The following PRPSAP2 variants were observed in gnomAD, a reference collection of about 807,000 sequenced individuals.
The protein encoded by PRPSAP2 is phosphoribosyl pyrophosphate synthetase associated protein 2.
PRPSAP2 carries 24 observed loss-of-function variants against 40.6 expected under a neutral mutation model. The observed-to-expected ratio is 0.59, with a 90% CI of 0.43 to 0.83. PRPSAP2 has a LOEUF of 0.83. PRPSAP2 is among the 40% of genes least tolerant of loss of function. PRPSAP2 has a pLI of 0.00. For synonymous variants in PRPSAP2, 149 were observed against 164.7 expected (o/e 0.90, Z 0.73); for missense variants, 292 against 465.6 (o/e 0.63, Z 3.43).
At chr17:18,901,472 C>A (rs950496537) in intron 8 of PRPSAP2, among the ~76,000 whole-genome samples, 1 of 151,492 alleles carries the variant, frequency 6.6e-6, no homozygotes, top group African/African-American at 2.4e-5. Flanking sequence ...CTCCGCCTCC[C>A]GGGTTCATGC....
intron 7 of PRPSAP2, among the ~76,000 whole-genome samples, chr17:18,882,945 C>G (rs2038869273): frequency 6.6e-6 from 1 of 152,130 alleles, no homozygotes; most frequent in African/African-American, 2.4e-5. Context: ...GTAATTTACT[C>G]TCATTACTAG....
At chr17:18,921,994 C>T (rs1189901211) in intron 9 of PRPSAP2, among the ~76,000 whole-genome samples, 3 of 152,176 alleles carry the variant, frequency 2.0e-5, no homozygotes, top group Admixed American at 2.0e-4. Context: ...GCCCCCATCC[C>T]CCAGCCCCTG....
intron 8 of PRPSAP2, among the ~76,000 whole-genome samples, chr17:18,903,593 G>T (rs540068385): frequency 6.6e-6 from 1 of 152,212 alleles, no homozygotes; most frequent in South Asian, 2.1e-4. Flanking sequence ...AATTAGCCGG[G>T]TGTGGTGGCG....
At chr17:18,908,164 CA>C (rs138579708) in intron 8 of PRPSAP2, 13 of 585,150 alleles carry the variant, frequency 2.2e-5, no homozygotes, top group Admixed American at 9.0e-5. Context: ...ATCTCAACAA[CA>C]AAAAAAAGCC....
In PRPSAP2 at chr17:18,912,452, C is replaced by T. The variant is rs765897561; in HGVS notation, c.733+1201C>T. 1.8e-4 allele frequency among the ~76,000 whole-genome samples: 28 copies of T among 152,194 alleles called. 1 individual carries two copies. The highest frequency in any genetic ancestry group is 1.9e-4 in the Non-Finnish European group (13 of 68,014). ...TCAGACCATAGCATTTTGCCCCGGC[C>T]CCTCAAAATTCATGTTCATCTTACG... On this transcript the variant is annotated intron_variant, in intron 9 of 11. Coordinates refer to ENST00000268835, the MANE Select transcript of PRPSAP2 (RefSeq NM_002767.4).
intron 9 of PRPSAP2, among the ~76,000 whole-genome samples, chr17:18,917,224 C>T (rs2041370799): frequency 6.6e-6 from 1 of 151,754 alleles, no homozygotes; most frequent in Non-Finnish European, 1.5e-5. Flanking sequence ...TGGCAAAAGA[C>T]AGATGAGGAA....
At chr17:18,929,042 CTG>C (rs916890298) in intron 11 of PRPSAP2, 85 bp downstream of exon 11, 15 of 1,520,102 alleles carry the variant, frequency 9.9e-6, no homozygotes, top group Admixed American at 4.1e-5. Flanking sequence ...CAGGACAAGA[CTG>C]AGATCTTTTG....
intron 8 of PRPSAP2, chr17:18,908,909 C>T: frequency 2.3e-6 from 1 of 442,638 alleles, no homozygotes; most frequent in South Asian, 2.6e-5. Context: ...CTTTCCTTTT[C>T]AAATTTTACC....
intron 10 of PRPSAP2, among the ~76,000 whole-genome samples, chr17:18,924,415 C>T (rs1878483230): frequency 6.6e-6 from 1 of 152,108 alleles, no homozygotes; most frequent in Non-Finnish European, 1.5e-5. Flanking sequence ...TAAATTTGTG[C>T]CTTGTGCTAA....
At chr17:18,873,315 T>C (rs906246184) in intron 5 of PRPSAP2, among the ~76,000 whole-genome samples, 11 of 151,378 alleles carry the variant, frequency 7.3e-5, no homozygotes, top group Non-Finnish European at 1.2e-4. Flanking sequence ...GTTCAAGCAA[T>C]TCTGCCTCAG....
chr17:18,912,652 T>C (rs973921305), intron 9 of PRPSAP2, among the ~76,000 whole-genome samples: 2 of 152,178 alleles, frequency 1.3e-5, no homozygotes, highest in African/African-American at 4.8e-5. Context: ...CACGTTTCTC[T>C]CCGGCTGTGA....
At chr17:18,867,135 G>A (rs2037489596) in intron 3 of PRPSAP2, 147 bp from the exon 4 acceptor site, 6 of 837,294 alleles carry the variant, frequency 7.2e-6, no homozygotes, top group Middle Eastern at 3.4e-4. Context: ...ATGGATTGAT[G>A]TAACAATTTA....
chr17:18,900,375 C>G (rs954960786), intron 8 of PRPSAP2, among the ~76,000 whole-genome samples: 1 of 152,098 alleles, frequency 6.6e-6, no homozygotes, highest in Non-Finnish European at 1.5e-5. Context: ...TTTGTTTAGA[C>G]TTCTTGTTTT....
At position 18,865,864 on chromosome 17, in the gene PRPSAP2, A is replaced by G; in HGVS notation, c.31A>G (p.Thr11Ala). The G allele has an allele frequency of 6.6e-7, 1 of 1,522,862 alleles. No homozygotes were observed. The highest frequency in any genetic ancestry group is 1.3e-5 in the South Asian group (1 of 75,198). The allele number at this position is 1,522,862 out of a possible 1,614,324, so 94.3% of individuals were successfully genotyped here. A position where few individuals can be genotyped will look rare whatever the true frequency, so the allele number is the denominator to read the frequency against. Residue 11 changes from threonine to alanine, a missense_variant, in exon 3 of 12, where the codon ACC becomes GCC. Physicochemically the swap from Thr to Ala is moderately conservative, Grantham distance 58. This residue lies in a region of PRPSAP2 where 51 missense variants were observed against 40.0 expected (regional missense o/e 1.28). Coordinates refer to ENST00000268835, the MANE Select transcript of PRPSAP2 (RefSeq NM_002767.4). MFCVTPPELETKMNITKGGLV... is the reference protein window; with the variant it reads MFCVTPPELEAKMNITKGGLV... ...TTGTGTGACGCCACCTGAATTAGAA[A>G]CCAAGATGAACATAACCAAAGGTGG... is the stretch of plus-strand genomic sequence containing the variant.
chr17:18,924,901 C>T (rs2041890873), intron 10 of PRPSAP2, among the ~76,000 whole-genome samples: 1 of 152,152 alleles, frequency 6.6e-6, no homozygotes, highest in Non-Finnish European at 1.5e-5. Context: ...AGGCAGATCA[C>T]CTGAGGTCAG....
chr17:18,882,665 A>G lies in PRPSAP2; in HGVS notation c.510A>G (p.Leu170=). ...ATTTAAGAGCATCTCCCTTCTTATT[A>G]CAGTATATTCAAGAAGAGGTGAGCT... ...VDNLRASPFL[L]QYIQEEIPDY... is the part of the protein sequence containing the mutation. The change falls in exon 7 of 12, where the codon TTA becomes TTG. Residue 170 remains leucine, a synonymous_variant. Coordinates refer to ENST00000268835, the MANE Select transcript of PRPSAP2 (RefSeq NM_002767.4). 2 of 1,586,236 alleles carry G rather than the reference A, an allele frequency of 1.3e-6. No homozygotes were observed. The highest frequency in any genetic ancestry group is 1.7e-6 in the Non-Finnish European group (2 of 1,155,294).
At chr17:18,912,477 G>A (rs560678446) in intron 9 of PRPSAP2, among the ~76,000 whole-genome samples, 17 of 152,188 alleles carry the variant, frequency 1.1e-4, no homozygotes, top group Non-Finnish European at 1.9e-4. Flanking sequence ...TTCATCTTAC[G>A]TGCAAAATAC....
chr17:18,909,602 C>G (rs951769821), intron 8 of PRPSAP2, among the ~76,000 whole-genome samples: 1 of 151,968 alleles, frequency 6.6e-6, no homozygotes, highest in Non-Finnish European at 1.5e-5. Context: ...AGCCATTCCA[C>G]TCTTAGGAAT....
Position 18,878,519 on chromosome 17 carries a change from T to C in PRPSAP2, c.412+649T>C, listed in dbSNP as rs370912969. Reference sequence around the variant, plus strand: ...ATTTGTGTCAATATATTTGTGTTTGTGTGTGTGCGCGCTTGTATAAGTGTA... The same window carrying C: ...ATTTGTGTCAATATATTTGTGTTTGCGTGTGTGCGCGCTTGTATAAGTGTA... On this transcript the variant is annotated intron_variant, in intron 6 of 11. Coordinates refer to ENST00000268835, the MANE Select transcript of PRPSAP2 (RefSeq NM_002767.4). Among the ~76,000 whole-genome samples, 8 of 152,308 alleles carry C rather than the reference T, an allele frequency of 5.3e-5. No individual in the cohort carries two copies. The East Asian group carries it at 9.6e-4, about 18-fold the overall frequency.
Sources: allele counts gnomAD v4.1 joint callset (sites outside exome capture counted in the v4.1 genomes callset), GRCh38; gene constraint gnomAD v4.1.1; regional missense constraint gnomAD v4.1.1; transcripts MANE v1.5; gene names NCBI Gene and HGNC (gene_info 2026-07-23, HGNC 2026-07-21).